The following HSD17B12 variants were observed in gnomAD, a reference collection of about 807,000 sequenced individuals.
The protein encoded by HSD17B12 is very-long-chain 3-oxoacyl-CoA reductase.
A neutral mutation model predicts 39.3 loss-of-function variants in HSD17B12; 32 were observed. The observed-to-expected ratio is 0.81, with a 90% CI of 0.61 to 1.09. The LOEUF is 1.09. HSD17B12 is among the 50% of genes least tolerant of loss of function. The pLI is 0.00. For missense variants in HSD17B12, 342 were observed against 382.9 expected (o/e 0.89, Z 0.89); for synonymous variants, 150 against 146.7 (o/e 1.02, Z -0.16).
At chr11:43,697,738 A>G (rs560052642) in intron 1 of HSD17B12, among the ~76,000 whole-genome samples, 56 of 152,294 alleles carry the variant, frequency 3.7e-4, no homozygotes, top group African/African-American at 1.2e-3. Flanking sequence ...GGAAACTGAG[A>G]CCATTTCAGG....
the HSD17B12 span, among the ~76,000 whole-genome samples, chr11:43,564,540 G>A: frequency 6.6e-4 from 100 of 152,140 alleles, no homozygotes; most frequent in African/African-American, 2.2e-3. Flanking sequence ...CACTTATATC[G>A]TGTAAGTTGC....
At chr11:43,840,188 C>A in intron 9 of HSD17B12, 124 bp downstream of exon 9, 2 of 680,452 alleles carry the variant, frequency 2.9e-6, no homozygotes, top group Non-Finnish European at 4.9e-6. Flanking sequence ...ATTAGCACAC[C>A]ATTAAAAACG....
At chr11:43,786,576 T>A (rs1046892636) in intron 3 of HSD17B12, among the ~76,000 whole-genome samples, 18 of 152,172 alleles carry the variant, frequency 1.2e-4, no homozygotes, top group Non-Finnish European at 2.5e-4. Context: ...TACATCAAAG[T>A]ATTTTTGGGT....
intron 1 of HSD17B12, among the ~76,000 whole-genome samples, chr11:43,702,977 T>C (rs1004271071): frequency 6.6e-6 from 1 of 152,320 alleles, no homozygotes; most frequent in South Asian, 2.1e-4. Flanking sequence ...TAGAGAATTT[T>C]TGCATCAGTA....
chr11:43,621,608 T>C, the HSD17B12 span, among the ~76,000 whole-genome samples: 4 of 152,114 alleles, frequency 2.6e-5, no homozygotes, highest in African/African-American at 9.7e-5. Flanking sequence ...CCAGCTACTC[T>C]GGAGGCTGAA....
the HSD17B12 span, among the ~76,000 whole-genome samples, chr11:43,642,370 T>G: frequency 2.6e-5 from 4 of 151,714 alleles, no homozygotes; most frequent in African/African-American, 4.8e-5. Context: ...GAAAAGATCA[T>G]AAAATTATTT....
chr11:43,785,620 C>T (rs1048319407), intron 3 of HSD17B12, among the ~76,000 whole-genome samples: 7 of 152,072 alleles, frequency 4.6e-5, no homozygotes, highest in Admixed American at 2.0e-4. Context: ...TACATGGATG[C>T]GTAGTTGGAG....
chr11:43,607,199 C>T, the HSD17B12 span, among the ~76,000 whole-genome samples: 91,770 of 151,750 alleles, frequency 0.6, 28,114 homozygotes, highest in East Asian at 0.79. Context: ...TTTTGTGAAT[C>T]TTTGACTATG....
At chr11:43,610,278 C>A in the HSD17B12 span, among the ~76,000 whole-genome samples, 1 of 152,168 alleles carries the variant, frequency 6.6e-6, no homozygotes, top group East Asian at 1.9e-4. Flanking sequence ...TCTTATGCAT[C>A]TACATAGTCC....
At chr11:43,682,775 G>GTTTTC (rs1949761630) in intron 1 of HSD17B12, among the ~76,000 whole-genome samples, 1 of 142,288 alleles carries the variant, frequency 7.0e-6, no homozygotes, top group Non-Finnish European at 1.5e-5. Context: ...ATAACTTGTT[G>GTTTTC]TTTTCTTTTC....
chr11:43,775,390 G>GT (rs1466225806), intron 3 of HSD17B12, among the ~76,000 whole-genome samples: 7 of 152,256 alleles, frequency 4.6e-5, no homozygotes, highest in East Asian at 1.9e-4. Flanking sequence ...ACAGATGCAG[G>GT]TTTTGGATCC....
the HSD17B12 span, among the ~76,000 whole-genome samples, chr11:43,651,444 C>T: frequency 2.6e-5 from 4 of 152,178 alleles, no homozygotes; most frequent in African/African-American, 9.7e-5. Context: ...GAAGTATGGT[C>T]AAACAGGCAA....
the HSD17B12 span, among the ~76,000 whole-genome samples, chr11:43,575,556 G>A: frequency 2.0e-5 from 3 of 152,244 alleles, no homozygotes; most frequent in South Asian, 2.1e-4. This position sits in a 1 kb window ranked among gnomAD's most constrained non-coding sequence, Gnocchi z 4.1. Flanking sequence ...CCGCTTGCCC[G>A]GTGCAGACTA....
chr11:43,652,668 C>CAA, the HSD17B12 span, among the ~76,000 whole-genome samples: 4 of 148,678 alleles, frequency 2.7e-5, no homozygotes, highest in East Asian at 2.0e-4. Context: ...AAGGATATTA[C>CAA]AAAAAAAAAA....
At chr11:43,761,901 C>CTTTAAGT (rs547617011) in intron 3 of HSD17B12, among the ~76,000 whole-genome samples, 156 of 152,232 alleles carry the variant, frequency 1.0e-3, no homozygotes, top group African/African-American at 3.7e-3. Flanking sequence ...CATGAATCTG[C>CTTTAAGT]CCAGATTTAA....
chr11:43,750,754 G>A (rs1237343745), intron 1 of HSD17B12, among the ~76,000 whole-genome samples, 157 bp from the exon 2 acceptor site: 2 of 152,132 alleles, frequency 1.3e-5, no homozygotes, highest in Non-Finnish European at 2.9e-5. Flanking sequence ...AGCTATTGCG[G>A]TGTGTATTCA....
the HSD17B12 span, among the ~76,000 whole-genome samples, chr11:43,632,871 T>G: frequency 6.6e-6 from 1 of 152,214 alleles, no homozygotes; most frequent in Non-Finnish European, 1.5e-5. Context: ...TGGGCATGCT[T>G]CATTCAATTC....
At chr11:43,652,919 T>C in the HSD17B12 span, among the ~76,000 whole-genome samples, 2 of 152,166 alleles carry the variant, frequency 1.3e-5, no homozygotes, top group African/African-American at 4.8e-5. Context: ...TATTCATTAC[T>C]ATTACTGAAT....
chr11:43,631,553 G>C, the HSD17B12 span, among the ~76,000 whole-genome samples: 8 of 151,948 alleles, frequency 5.3e-5, no homozygotes, highest in African/African-American at 1.4e-4. Flanking sequence ...GTGTGTGTGT[G>C]TGTCTCTCTC....
Sources: allele counts gnomAD v4.1 joint callset (sites outside exome capture counted in the v4.1 genomes callset), GRCh38; gene constraint gnomAD v4.1.1; non-coding constraint Gnocchi (gnomAD v3.1); transcripts MANE v1.5; gene names NCBI Gene and HGNC (gene_info 2026-07-23, HGNC 2026-07-21).